VPS37A: variants seen among roughly 807,000 people sequenced by gnomAD.
VPS37A encodes VPS37A subunit of ESCRT-I.
VPS37A carries 30 observed loss-of-function variants against 49.8 expected under a neutral mutation model. The observed-to-expected ratio is 0.60, with a 90% CI of 0.45 to 0.82. The LOEUF (loss-of-function observed/expected upper bound fraction) is 0.82, where lower values mean the gene tolerates loss of function less well. VPS37A is among the 40% of genes least tolerant of loss of function. The pLI, the probability that VPS37A is intolerant of heterozygous loss-of-function variation, is 0.00. For synonymous variants in VPS37A, 195 were observed against 160.6 expected (o/e 1.21, Z -1.62); for missense variants, 593 against 464.4 (o/e 1.28, Z -2.55).
At chr8:17,280,640 A>G (rs1814971080) in intron 9 of VPS37A, among the ~76,000 whole-genome samples, 197 bp downstream of exon 9, 1 of 151,980 alleles carries the variant, frequency 6.6e-6, no homozygotes, top group Non-Finnish European at 1.5e-5. Flanking sequence ...ATAAGAGCGT[A>G]TTTGTTTCTA....
At chr8:17,286,850 C>T (rs1364942108) in intron 11 of VPS37A, among the ~76,000 whole-genome samples, 4 of 152,136 alleles carry the variant, frequency 2.6e-5, no homozygotes, top group South Asian at 2.1e-4. Flanking sequence ...CCTGTCCCCA[C>T]GACTTGAGGG....
In VPS37A at chr8:17,297,443, A is replaced by G. The variant is rs1816757068; in HGVS notation, c.*2457A>G. On this transcript the variant is annotated 3_prime_UTR_variant, in exon 12 of 12. Coordinates refer to ENST00000324849, the MANE Select transcript of VPS37A (RefSeq NM_152415.3). ...CATTTTTAGGAGAAGAAAGTAAACT[A>G]ATGTGCTCTTAAAGAATAAAAATTT... 6.6e-6 allele frequency: 1 copy of G among 151,172 alleles called. No individual in the cohort carries two copies. Among genetic ancestry groups the G allele is most frequent in the Non-Finnish European group, 1.5e-5 (1 of 67,410 alleles). 9.4% of individuals were successfully genotyped at this position (151,172 alleles called of 1,614,324 possible). A position where few individuals can be genotyped will look rare whatever the true frequency, so the allele number is the denominator to read the frequency against.
chr8:17,266,118 T>A (rs1813423336), intron 2 of VPS37A, 137 bp downstream of exon 2: 1 of 752,420 alleles, frequency 1.3e-6, no homozygotes, highest in South Asian at 2.0e-5. Context: ...CACAATTCAG[T>A]GAAATAAAAA....
At chr8:17,278,965 G>T (rs975714648) in intron 6 of VPS37A, among the ~76,000 whole-genome samples, 5 of 151,990 alleles carry the variant, frequency 3.3e-5, no homozygotes, top group African/African-American at 1.2e-4. Flanking sequence ...ATCCATATCT[G>T]CTCCACCTAG....
At chr8:17,286,491 T>G in intron 11 of VPS37A, 64 bp downstream of exon 11, 1 of 1,401,808 alleles carries the variant, frequency 7.1e-7, no homozygotes, top group South Asian at 1.2e-5. Flanking sequence ...ATAGACATGT[T>G]GTTAACGGTG....
At chr8:17,330,940 C>G in the VPS37A span, among the ~76,000 whole-genome samples, 2 of 152,192 alleles carry the variant, frequency 1.3e-5, no homozygotes, top group Non-Finnish European at 2.9e-5. Context: ...GAGTCCCTGA[C>G]TGCTAACCAC....
chr8:17,324,627 T>C, the VPS37A span, among the ~76,000 whole-genome samples: 1 of 152,234 alleles, frequency 6.6e-6, no homozygotes, highest in African/African-American at 2.4e-5. Context: ...TTCCTTCTTC[T>C]AAATGACCAT....
chr8:17,251,898 G>A (rs904955687), intron 1 of VPS37A, among the ~76,000 whole-genome samples: 1 of 152,086 alleles, frequency 6.6e-6, no homozygotes, highest in Non-Finnish European at 1.5e-5. Context: ...CTCCCCCACA[G>A]CTGCTAAGCT....
At chr8:17,293,962 T>C (rs778348021) in intron 11 of VPS37A, among the ~76,000 whole-genome samples, 2 of 152,218 alleles carry the variant, frequency 1.3e-5, no homozygotes, top group African/African-American at 4.8e-5. Context: ...GTCTGTCTCT[T>C]AGCAGAGCTA....
At chr8:17,261,235 G>A (rs1812932365) in intron 1 of VPS37A, among the ~76,000 whole-genome samples, 1 of 151,846 alleles carries the variant, frequency 6.6e-6, no homozygotes, top group African/African-American at 2.4e-5. Context: ...TGTTTCTTCT[G>A]CCTGATCCAT....
downstream of VPS37A, chr8:17,305,640 A>C: frequency 1.3e-6 from 1 of 772,184 alleles, no homozygotes; most frequent in Non-Finnish European, 2.0e-6. Flanking sequence ...CTAATCTGTC[A>C]GTATAGGTAT....
At chr8:17,304,452 G>A (rs1426779089), downstream of VPS37A, 5 of 1,614,086 alleles carry the variant, frequency 3.1e-6, no homozygotes, top group Non-Finnish European at 3.4e-6. Context: ...GCTCTAAACA[G>A]AGGATTCAGG....
chr8:17,274,803 C>A lies in VPS37A; in HGVS notation c.487C>A (p.Pro163Thr). ...TTTTCCATTTCTTCCTCCATATCCT[C>A]CACAAGAAGCAAACAGGAGTATCAC... Reference protein sequence around the residue: ...QGFPFLPPYPPQEANRSITSL... With the variant: ...QGFPFLPPYPTQEANRSITSL... The change falls in exon 5 of 12, where the codon CCA becomes ACA. Residue 163 changes from proline (P) to threonine (T), a missense_variant. Transcript: ENST00000324849. 1 of 1,614,184 alleles carries A rather than the reference C, an allele frequency of 6.2e-7. No homozygotes were observed. The highest frequency in any genetic ancestry group is 8.5e-7 in the Non-Finnish European group (1 of 1,180,030).
chr8:17,247,402 A>C, intron 1 of VPS37A, 33 bp downstream of exon 1: 1 of 409,710 alleles, frequency 2.4e-6, no homozygotes, highest in South Asian at 1.7e-5. Context: ...CCGGAGGAAA[A>C]AGTAGGGTGG....
downstream of VPS37A, among the ~76,000 whole-genome samples, chr8:17,305,301 C>T (rs1419053395): frequency 6.6e-6 from 1 of 152,176 alleles, no homozygotes; most frequent in African/African-American, 2.4e-5. Context: ...TTTACTGTCA[C>T]TTATTTTAAA....
Position 17,247,294 on chromosome 8 carries a change from G to C in VPS37A, c.50G>C (p.Gly17Ala). Residue 17 changes from glycine to alanine, a missense_variant, in exon 1 of 12, where the codon GGG (glycine) becomes GCG (alanine). Gly to Ala is a moderately conservative substitution (Grantham distance 60). Transcript: ENST00000324849. ...AAGAGCGCCTCCTCCTCCGCGGCTG[G>C]GTCCCCCGGTGGCCTCACCAGCCTC... is the stretch of plus-strand genomic sequence containing the variant. ...LTKSASSSAA[G>A]SPGGLTSLQQ... The C allele has an allele frequency of 3.2e-6, 5 of 1,565,370 alleles. No homozygotes were observed. Among genetic ancestry groups the C allele is most frequent in the Non-Finnish European group, 4.3e-6 (5 of 1,155,082 alleles).
intron 1 of VPS37A, among the ~76,000 whole-genome samples, chr8:17,256,623 G>A (rs1812487315): frequency 7.4e-6 from 1 of 135,968 alleles, no homozygotes; most frequent in Non-Finnish European, 1.6e-5. Context: ...TTCCTTCGCT[G>A]TGTAGGTTTT....
rs554805816 is a variant in VPS37A, at chr8:17,294,012, G to A, written c.*1-975G>A. ...GTGATCCGCTGCTCTCTTCAGAGCCGGCAGGCAGGAACGTTTAAGTGTGTG... is the reference window on the plus strand; with the variant it reads ...GTGATCCGCTGCTCTCTTCAGAGCCAGCAGGCAGGAACGTTTAAGTGTGTG... On this transcript the variant is annotated intron_variant, in intron 11 of 11. Coordinates refer to ENST00000324849, the MANE Select transcript of VPS37A (RefSeq NM_152415.3). Among the ~76,000 whole-genome samples, 25 of 152,334 alleles carry A rather than the reference G, an allele frequency of 1.6e-4. No homozygotes were observed. In the South Asian group the frequency reaches 5.0e-3, roughly 30 times the overall value.
downstream of VPS37A, chr8:17,305,828 A>C (rs370132911): frequency 2.5e-6 from 4 of 1,613,730 alleles, no homozygotes; most frequent in East Asian, 2.2e-5. Context: ...TGTGATGTTG[A>C]ATGTGAATCA....
Sources: allele counts gnomAD v4.1 joint callset (sites outside exome capture counted in the v4.1 genomes callset), GRCh38; gene constraint gnomAD v4.1.1; transcripts MANE v1.5; gene names NCBI Gene and HGNC (gene_info 2026-07-23, HGNC 2026-07-21).